ZDHHC7: variants seen among roughly 807,000 people sequenced by gnomAD.
ZDHHC7 encodes palmitoyltransferase ZDHHC7.
A neutral mutation model predicts 34.1 loss-of-function variants in ZDHHC7; 12 were observed. That is an observed-to-expected ratio of 0.35 (90% CI 0.23 to 0.57). The LOEUF (loss-of-function observed/expected upper bound fraction) is 0.57, where lower values mean the gene tolerates loss of function less well. Among genes scored for constraint, ZDHHC7 ranks in the 20% least tolerant of loss-of-function variants. ZDHHC7 has a pLI of 0.84. For missense variants in ZDHHC7, 388 were observed against 402.7 expected, an observed-to-expected ratio of 0.96 and a Z score of 0.31; for synonymous variants, 185 against 155.4, an observed-to-expected ratio of 1.19 and a Z score of -1.42.
intron 4 of ZDHHC7, among the ~76,000 whole-genome samples, chr16:84,980,000 G>C (rs1020855427): frequency 7.4e-6 from 1 of 135,368 alleles, no homozygotes; most frequent in Non-Finnish European, 1.5e-5. Flanking sequence ...TGTCGCCCAG[G>C]CTGGAGTGCA....
At chr16:84,996,354 A>G (rs1253218706) in intron 1 of ZDHHC7, among the ~76,000 whole-genome samples, 2 of 152,176 alleles carry the variant, frequency 1.3e-5, no homozygotes, top group Non-Finnish European at 2.9e-5. Flanking sequence ...AAGCTGATTT[A>G]CTGGCCACAT....
At chr16:85,007,252 C>T (rs1006883845) in intron 1 of ZDHHC7, among the ~76,000 whole-genome samples, 1 of 150,860 alleles carries the variant, frequency 6.6e-6, no homozygotes, top group African/African-American at 2.5e-5. Context: ...GGTAAAAACC[C>T]GTCTCTACAA....
rs2072789870 is a variant in ZDHHC7, at chr16:85,011,394, G to C, written c.-212C>G. 6.6e-6 allele frequency: 1 copy of C among 152,600 alleles called. No homozygotes were observed. The highest frequency in any genetic ancestry group is 6.6e-5 in the Admixed American group (1 of 15,244). The allele number at this position is 152,600 out of a possible 1,614,324, so 9.5% of individuals were successfully genotyped here. A position where few individuals can be genotyped will look rare whatever the true frequency, so the allele number is the denominator to read the frequency against. On this transcript the variant is annotated 5_prime_UTR_variant, in exon 1 of 8. Transcript: ENST00000313732. ...GGACGCATCATGCGGCCGCGCTCAT[G>C]GCCGGGCTGGAGCGGGCCCCGCGGC...
chr16:85,010,318 C>T (rs1328093305), intron 1 of ZDHHC7, among the ~76,000 whole-genome samples: 3 of 152,070 alleles, frequency 2.0e-5, no homozygotes, highest in African/African-American at 4.8e-5. Flanking sequence ...CACGAGCCAC[C>T]GCGTGCGTAC....
intron 1 of ZDHHC7, among the ~76,000 whole-genome samples, chr16:85,005,478 T>C (rs1309974768): frequency 6.6e-6 from 1 of 152,170 alleles, no homozygotes; most frequent in Non-Finnish European, 1.5e-5. Context: ...ACGAGCTCAT[T>C]TTCAGGATGA....
At chr16:85,009,437 G>A (rs2072759714) in intron 1 of ZDHHC7, among the ~76,000 whole-genome samples, 1 of 151,992 alleles carries the variant, frequency 6.6e-6, no homozygotes, top group Non-Finnish European at 1.5e-5. Context: ...TGATTAGCAG[G>A]GCTGTAAAGT....
chr16:84,979,277 T>C lies in ZDHHC7; in HGVS notation c.449A>G (p.Lys150Arg), dbSNP rs1440872558. Residue 150 changes from lysine to arginine, a missense_variant, in exon 5 of 8, where the codon AAA becomes AGA. By Grantham distance (26) the Lys-to-Arg change is conservative (BLOSUM62 2). Coordinates refer to ENST00000313732, the MANE Select transcript of ZDHHC7 (RefSeq NM_017740.3). The part of the protein sequence containing the change: ...PERAHHCSIC[K>R]RCIRKMDHHC... ...ATGATCCATTTTCCGAATACATCTT[T>C]TGCAAATACTGAAAAGGAGAGTTTG... The C allele has an allele frequency of 1.2e-6, 2 of 1,609,456 alleles. No individual in the cohort carries two copies. The highest frequency in any genetic ancestry group is 1.7e-4 in the Middle Eastern group (1 of 6,056).
At chr16:84,994,068 A>G (rs367852261) in intron 2 of ZDHHC7, among the ~76,000 whole-genome samples, 1 of 152,226 alleles carries the variant, frequency 6.6e-6, no homozygotes, top group African/African-American at 2.4e-5. Flanking sequence ...AGCCCTGGGC[A>G]CGCTCACCAG....
chr16:85,005,047 G>A (rs531958138), intron 1 of ZDHHC7: 8 of 152,286 alleles, frequency 5.3e-5, no homozygotes, highest in Non-Finnish European at 1.2e-4. Context: ...ATCCCTGTAC[G>A]AGAGCCACAA....
intron 4 of ZDHHC7, 49 bp downstream of exon 4, chr16:84,981,821 G>A (rs1302547561): frequency 6.8e-6 from 11 of 1,612,266 alleles, no homozygotes; most frequent in African/African-American, 1.3e-5. Context: ...AGCAGCACAC[G>A]TACCCGCAGT....
intron 3 of ZDHHC7, among the ~76,000 whole-genome samples, chr16:84,984,372 T>C (rs1306740453): frequency 1.3e-5 from 2 of 152,132 alleles, no homozygotes; most frequent in Non-Finnish European, 1.5e-5. Flanking sequence ...TAACACTGCT[T>C]TGATTTATAA....
chr16:85,018,348 G>C, the ZDHHC7 span, among the ~76,000 whole-genome samples: 2 of 152,144 alleles, frequency 1.3e-5, no homozygotes, highest in Non-Finnish European at 2.9e-5. Flanking sequence ...AAGGGAGCGT[G>C]GGGGGCAGGG....
chr16:85,010,606 G>T (rs1454684417), intron 1 of ZDHHC7, among the ~76,000 whole-genome samples: 1 of 152,190 alleles, frequency 6.6e-6, no homozygotes, highest in Admixed American at 6.5e-5. Flanking sequence ...GCAGGTAGCC[G>T]CATCAACACT....
the ZDHHC7 span, among the ~76,000 whole-genome samples, chr16:85,026,872 A>G: frequency 1.3e-5 from 2 of 152,084 alleles, no homozygotes; most frequent in African/African-American, 4.8e-5. Flanking sequence ...GTGTCAGTCA[A>G]TACTCCAGAA....
chr16:85,004,256 C>G (rs1209821492), intron 1 of ZDHHC7, among the ~76,000 whole-genome samples: 3 of 151,992 alleles, frequency 2.0e-5, no homozygotes, highest in African/African-American at 7.3e-5. Flanking sequence ...AGCTGATCAG[C>G]AAGTCCTATG....
At chr16:85,018,151 T>C in the ZDHHC7 span, among the ~76,000 whole-genome samples, 1 of 152,174 alleles carries the variant, frequency 6.6e-6, no homozygotes, top group Non-Finnish European at 1.5e-5. Flanking sequence ...TATAAGTCCA[T>C]AGCCTCTAGT....
At position 84,975,321 on chromosome 16, in the gene ZDHHC7, C is replaced by T. The variant is rs1343839695; in HGVS notation, c.*1022G>A. 1.3e-5 allele frequency: 2 copies of T among 152,476 alleles called. No homozygotes were observed. Among genetic ancestry groups the T allele is most frequent in the African/African-American group, 2.4e-5 (1 of 41,460 alleles). 9.4% of individuals were successfully genotyped at this position (152,476 alleles called of 1,614,324 possible). On this transcript the variant is annotated 3_prime_UTR_variant, in exon 8 of 8. Transcript: ENST00000313732. ...TCCCAGAGGTGCCCAATGGCTGGGCCCTGCCTCTCCAGTAAGGATGCCTCC... is the reference window on the plus strand; with the variant it reads ...TCCCAGAGGTGCCCAATGGCTGGGCTCTGCCTCTCCAGTAAGGATGCCTCC...
At chr16:85,018,484 G>A in the ZDHHC7 span, among the ~76,000 whole-genome samples, 1 of 54,724 alleles carries the variant, frequency 1.8e-5, no homozygotes, top group African/African-American at 9.2e-5. Context: ...TTTTACTCTT[G>A]TTGCCCAGGC....
At chr16:84,980,617 C>G (rs903183862) in intron 4 of ZDHHC7, among the ~76,000 whole-genome samples, 3 of 152,068 alleles carry the variant, frequency 2.0e-5, no homozygotes, top group African/African-American at 7.2e-5. Flanking sequence ...TTGCAGTGAG[C>G]CGAGATTATG....
Sources: gnomAD v4.1 joint callset for allele counts (sites outside exome capture counted in the v4.1 genomes callset) on GRCh38, gnomAD v4.1.1 for gene constraint, MANE v1.5 for transcripts, NCBI Gene and HGNC (gene_info 2026-07-23, HGNC 2026-07-21) for gene names.